The following SMAD9 variants were observed in gnomAD, a reference collection of about 807,000 sequenced individuals.
The protein encoded by SMAD9 is MAD homolog 9.
In SMAD9, 36 loss-of-function variants were observed where a neutral mutation model predicts 46.1. The observed-to-expected ratio is 0.78, with a 90% CI of 0.60 to 1.03. SMAD9 has a LOEUF of 1.03. Among genes scored for constraint, SMAD9 ranks in the 50% least tolerant of loss-of-function variants. The pLI is 0.00. For missense variants in SMAD9, 572 were observed against 599.8 expected (o/e 0.95, Z 0.48); for synonymous variants, 245 against 237.1 (o/e 1.03, Z -0.31).
chr13:36,894,332 CCT>C (rs1358537154), intron 1 of SMAD9, among the ~76,000 whole-genome samples: 1 of 152,104 alleles, frequency 6.6e-6, no homozygotes, highest in Non-Finnish European at 1.5e-5. Flanking sequence ...TAAGGGGTTT[CCT>C]CTTTCGCTTG....
chr13:36,884,490 C>A (rs932419812), intron 1 of SMAD9, among the ~76,000 whole-genome samples: 3 of 152,050 alleles, frequency 2.0e-5, no homozygotes, highest in Non-Finnish European at 4.4e-5. Context: ...TACAATAAAC[C>A]CCAACTGAGT....
intron 3 of SMAD9, among the ~76,000 whole-genome samples, chr13:36,867,670 C>G (rs538090415): frequency 2.0e-5 from 3 of 152,246 alleles, no homozygotes; most frequent in South Asian, 2.1e-4. Context: ...AAATGCAGAA[C>G]CTGTTCTCCT....
At chr13:36,869,867 A>G (rs139133352) in intron 3 of SMAD9, among the ~76,000 whole-genome samples, 1 of 152,256 alleles carries the variant, frequency 6.6e-6, no homozygotes, top group African/African-American at 2.4e-5. Context: ...TGTGTTAGAT[A>G]TATTTCACCA....
intron 6 of SMAD9, among the ~76,000 whole-genome samples, chr13:36,851,068 T>G (rs551084857): frequency 7.2e-5 from 11 of 152,104 alleles, no homozygotes; most frequent in Non-Finnish European, 1.5e-4. Context: ...ATATCTATCC[T>G]CCACACAGCA....
At chr13:36,905,925 C>T in intron 1 of SMAD9, among the ~76,000 whole-genome samples, 1 of 151,950 alleles carries the variant, frequency 6.6e-6, no homozygotes, top group African/African-American at 2.4e-5. Context: ...CCCGCTTCAG[C>T]CTCCCAAAGT....
intron 3 of SMAD9, 63 bp from the exon 4 acceptor site, chr13:36,867,446 TC>T (rs2058246465): frequency 8.8e-7 from 1 of 1,130,472 alleles, no homozygotes; most frequent in South Asian, 1.5e-5. Flanking sequence ...GACAGTTGGA[TC>T]CGACATCTTT....
intron 1 of SMAD9, among the ~76,000 whole-genome samples, chr13:36,916,844 G>A (rs1406949117): frequency 6.6e-6 from 1 of 151,454 alleles, no homozygotes; most frequent in Non-Finnish European, 1.5e-5. Flanking sequence ...ACAAGATGAA[G>A]AAGTCATATT....
chr13:36,908,255 G>C (rs540940614), intron 1 of SMAD9, among the ~76,000 whole-genome samples: 4 of 152,262 alleles, frequency 2.6e-5, no homozygotes, highest in Non-Finnish European at 4.4e-5. Flanking sequence ...TACATGCCAT[G>C]AATCAGTATT....
intron 1 of SMAD9, among the ~76,000 whole-genome samples, chr13:36,900,740 ATTT>A (rs1296076220): frequency 3.3e-5 from 5 of 150,226 alleles, no homozygotes; most frequent in African/African-American, 1.2e-4. Flanking sequence ...AATGTAAATT[ATTT>A]TACTTATTTT....
chr13:36,908,927 G>A (rs1263571015), intron 1 of SMAD9, among the ~76,000 whole-genome samples: 3 of 152,134 alleles, frequency 2.0e-5, no homozygotes, highest in Non-Finnish European at 4.4e-5. Context: ...GGTTTACCAG[G>A]CAGCCTTGTG....
intron 1 of SMAD9, among the ~76,000 whole-genome samples, chr13:36,906,331 T>C (rs1434214266): frequency 2.6e-5 from 4 of 152,170 alleles, no homozygotes; most frequent in Non-Finnish European, 5.9e-5. Context: ...CCGTATGTTA[T>C]GGAATTCCAC....
chr13:36,911,100 G>A (rs1354106975), intron 1 of SMAD9, among the ~76,000 whole-genome samples: 2 of 152,088 alleles, frequency 1.3e-5, no homozygotes, highest in African/African-American at 2.4e-5. Context: ...CAACCTGCCA[G>A]GCTCAATAGA....
chr13:36,865,682 C>T lies in SMAD9; in HGVS notation c.858G>A (p.Gly286=), dbSNP rs1007109223. ...TTCGGGAGGAAGCCTGGAATGTCTC[C>T]CCAACTCGGTTGTTCAGTTCATAGT... The part of the protein sequence containing the change: ...VAYYELNNRV[G]ETFQASSRSV... The change falls in exon 5 of 7, where the codon GGG becomes GGA. Residue 286 remains glycine (G), a synonymous_variant. Transcript: ENST00000379826. The T allele has an allele frequency of 6.8e-6, 11 of 1,614,002 alleles. No homozygotes were observed. The highest frequency in any genetic ancestry group is 1.3e-5 in the African/African-American group (1 of 74,898).
At chr13:36,854,728 G>A (rs2058106986) in intron 5 of SMAD9, among the ~76,000 whole-genome samples, 1 of 152,082 alleles carries the variant, frequency 6.6e-6, no homozygotes, top group African/African-American at 2.4e-5. Context: ...TGTAACTTAA[G>A]TGCACATATT....
chr13:36,901,090 C>T (rs1315673252), intron 1 of SMAD9, among the ~76,000 whole-genome samples: 1 of 152,184 alleles, frequency 6.6e-6, no homozygotes, highest in Non-Finnish European at 1.5e-5. Context: ...TAGATATAGT[C>T]CATATTCCAC....
chr13:36,856,308 A>C (rs2058124162), intron 5 of SMAD9, among the ~76,000 whole-genome samples: 1 of 152,180 alleles, frequency 6.6e-6, no homozygotes, highest in African/African-American at 2.4e-5. Flanking sequence ...ATCCTCTCAA[A>C]ACCTATTACA....
chr13:36,883,354 C>T (rs1566028678), intron 1 of SMAD9, among the ~76,000 whole-genome samples: 1 of 152,136 alleles, frequency 6.6e-6, no homozygotes, highest in Non-Finnish European at 1.5e-5. Context: ...AAGAATGAAA[C>T]AAACAATAAG....
At chr13:36,918,143 T>C (rs574846808) in intron 1 of SMAD9, among the ~76,000 whole-genome samples, 2 of 152,294 alleles carry the variant, frequency 1.3e-5, no homozygotes, top group East Asian at 3.9e-4. Context: ...ACTTACTAAC[T>C]AGGAATATAT....
At chr13:36,885,028 T>G (rs1224816698) in intron 1 of SMAD9, among the ~76,000 whole-genome samples, 1 of 152,200 alleles carries the variant, frequency 6.6e-6, no homozygotes, top group Non-Finnish European at 1.5e-5. Context: ...TTTTTCAAAC[T>G]TATCAATTTT....
Sources: allele counts gnomAD v4.1 joint callset (sites outside exome capture counted in the v4.1 genomes callset), GRCh38; gene constraint gnomAD v4.1.1; transcripts MANE v1.5; gene names NCBI Gene and HGNC (gene_info 2026-07-23, HGNC 2026-07-21).